The following PYGB variants were observed in gnomAD, a reference collection of about 807,000 sequenced individuals.
The protein encoded by PYGB is glycogen phosphorylase B, also known as glycogen phosphorylase, brain form.
A neutral mutation model predicts 94.3 loss-of-function variants in PYGB; 82 were observed. The ratio of observed to expected loss-of-function variants is 0.87; its 90% CI spans 0.73 to 1.04. The LOEUF (loss-of-function observed/expected upper bound fraction) is 1.04. Ranked by LOEUF, PYGB falls within the 50% of genes least tolerant of loss-of-function variation. PYGB has a pLI of 0.00. For missense variants in PYGB, 1,132 were observed against 1,158.2 expected, an observed-to-expected ratio of 0.98 and a Z score of 0.33; for synonymous variants, 488 against 479.1, an observed-to-expected ratio of 1.02 and a Z score of -0.24.
Position 25,257,402 on chromosome 20 carries a change from C to T in PYGB, c.244-1835C>T, listed in dbSNP as rs192945022. Among the ~76,000 whole-genome samples, 310 of 152,320 alleles carry T rather than the reference C, an allele frequency of 2.0e-3. 2 individuals carry two copies. Among genetic ancestry groups the T allele is most frequent in the Middle Eastern group, 0.014 (4 of 294 alleles). On this transcript the variant is annotated intron_variant, in intron 1 of 19. Coordinates refer to ENST00000216962, the MANE Select transcript of PYGB (RefSeq NM_002862.4). ...CTTCGAGTCTAGGCCCAGCACTTCC[C>T]GTGTCAGTCCTGTCCCTTACAAACA...
At chr20:25,254,485 G>A (rs1217171947) in intron 1 of PYGB, among the ~76,000 whole-genome samples, 4 of 152,168 alleles carry the variant, frequency 2.6e-5, no homozygotes, top group African/African-American at 9.7e-5. Context: ...CTTAGGATAC[G>A]GTGAAGGGAA....
At chr20:25,296,242 C>T (rs1472719882) in intron 19 of PYGB, 128 bp from the exon 20 acceptor site, 1 of 1,150,812 alleles carries the variant, frequency 8.7e-7, no homozygotes, top group Non-Finnish European at 1.3e-6. Context: ...GTAATGTCCT[C>T]CTCTTCCAGC....
rs779037307 is a variant in PYGB, at chr20:25,281,096, A to G, written c.1387A>G (p.Ile463Val). ...TGGTGTGGCGAGGATCCACTCGGAG[A>G]TCGTGAAACAGTCGGTGTGAGTGGG... Reference protein sequence around the residue: ...VNGVARIHSEIVKQSVFKDFY... With the variant: ...VNGVARIHSEVVKQSVFKDFY... Residue 463 changes from isoleucine (I) to valine (V), a missense_variant, in exon 11 of 20, where the codon ATC (isoleucine) becomes GTC (valine). Ile to Val is a conservative substitution (Grantham distance 29, BLOSUM62 3). Transcript: ENST00000216962. 9 of 1,614,136 alleles carry G rather than the reference A, an allele frequency of 5.6e-6. No homozygotes were observed. Among genetic ancestry groups the G allele is most frequent in the Non-Finnish European group, 6.8e-6 (8 of 1,179,994 alleles).
intron 13 of PYGB, 65 bp from the exon 14 acceptor site, chr20:25,284,025 ACTTGAAGCAGGAAG>A: frequency 6.5e-7 from 1 of 1,544,972 alleles, no homozygotes; most frequent in South Asian, 1.2e-5. Flanking sequence ...TTCACAGGGC[ACTTGAAGCAGGAAG>A]CCGCAGGGTC....
In PYGB at chr20:25,274,614, T is replaced by C; in HGVS notation, c.551T>C (p.Leu184Pro). 1.2e-6 allele frequency: 2 copies of C among 1,613,694 alleles called. No individual in the cohort carries two copies. Among genetic ancestry groups the C allele is most frequent in the Non-Finnish European group, 1.7e-6 (2 of 1,179,932 alleles). ...GWQVEEADDW[L>P]RYGNPWEKAR... ...CAGGTAGAGGAGGCCGATGACTGGCTGCGCTACGGCAACCCCTGGGAGAAA... is the reference window on the plus strand; with the variant it reads ...CAGGTAGAGGAGGCCGATGACTGGCCGCGCTACGGCAACCCCTGGGAGAAA... The change falls in exon 5 of 20, where the codon CTG becomes CCG. Residue 184 changes from leucine to proline, a missense_variant. Physicochemically the swap from Leu to Pro is moderately conservative, Grantham distance 98. Coordinates refer to ENST00000216962, the MANE Select transcript of PYGB (RefSeq NM_002862.4).
intron 5 of PYGB, among the ~76,000 whole-genome samples, chr20:25,275,726 G>A (rs2088305256): frequency 6.6e-6 from 1 of 152,208 alleles, no homozygotes; most frequent in South Asian, 2.1e-4. Context: ...TTCCAGGCAG[G>A]CTGTGAAGAT....
At chr20:25,281,221 C>A in intron 11 of PYGB, 109 bp downstream of exon 11, 2 of 1,376,882 alleles carry the variant, frequency 1.5e-6, no homozygotes, top group African/African-American at 1.4e-5. Flanking sequence ...ACAACCTGTG[C>A]CACTAGGCCC....
intron 2 of PYGB, among the ~76,000 whole-genome samples, chr20:25,264,060 C>T (rs1227232794): frequency 6.6e-6 from 1 of 152,190 alleles, no homozygotes; most frequent in African/African-American, 2.4e-5. Flanking sequence ...TCCAGCAGCA[C>T]ATCAAAAAGC....
rs998334056 is a variant in PYGB at position 25,296,635 on chromosome 20, C to T, written c.*113C>T. 8 of 1,387,820 alleles carry T rather than the reference C, an allele frequency of 5.8e-6. No homozygotes were observed. The highest frequency in any genetic ancestry group is 2.6e-4 in the Middle Eastern group (1 of 3,904). 86.0% of individuals were successfully genotyped at this position (1,387,820 alleles called of 1,614,324 possible). On this transcript the variant is annotated 3_prime_UTR_variant, in exon 20 of 20. Transcript: ENST00000216962. The stretch of plus-strand genomic sequence containing the variant: ...TGGTGGTCCCTGCTTTTCTGAGTAC[C>T]ATGTTTCCAGGAGGGGCCATGGGGG...
intron 19 of PYGB, among the ~76,000 whole-genome samples, chr20:25,295,931 T>C (rs1413841893): frequency 6.6e-6 from 1 of 152,188 alleles, no homozygotes; most frequent in African/African-American, 2.4e-5. Context: ...GGCAGGGCCC[T>C]GGGAGGGACC....
intron 7 of PYGB, 33 bp downstream of exon 7, chr20:25,277,359 C>T (rs1280969409): frequency 6.6e-7 from 1 of 1,521,350 alleles, no homozygotes; most frequent in East Asian, 2.3e-5. Context: ...CTTGCTCAGG[C>T]CGTATCGCTT....
intron 1 of PYGB, among the ~76,000 whole-genome samples, chr20:25,253,296 C>T (rs2092893453): frequency 6.6e-6 from 1 of 152,200 alleles, no homozygotes; most frequent in South Asian, 2.1e-4. Context: ...TCTCTCTCTA[C>T]ACATACCTTA....
At chr20:25,281,894 C>T in intron 11 of PYGB, 139 bp from the exon 12 acceptor site, 1 of 703,700 alleles carries the variant, frequency 1.4e-6, no homozygotes, top group Non-Finnish European at 2.4e-6. Context: ...GCCGCGGTCA[C>T]TCTGTTCTCC....
chr20:25,264,516 T>C (rs1032241321), intron 2 of PYGB, among the ~76,000 whole-genome samples: 1 of 152,122 alleles, frequency 6.6e-6, no homozygotes, highest in Non-Finnish European at 1.5e-5. Flanking sequence ...ATTTGTATAT[T>C]TAGAAAACCC....
intron 3 of PYGB, among the ~76,000 whole-genome samples, chr20:25,269,522 C>T (rs986423065): frequency 6.6e-6 from 1 of 152,168 alleles, no homozygotes; most frequent in East Asian, 1.9e-4. Flanking sequence ...GCAGACAGCC[C>T]AAAGGATGGA....
At chr20:25,252,833 T>C (rs1006008795) in intron 1 of PYGB, among the ~76,000 whole-genome samples, 17 of 152,308 alleles carry the variant, frequency 1.1e-4, no homozygotes, top group Admixed American at 6.5e-4. Context: ...GGTGATGAGC[T>C]CAGCCTTTAG....
At position 25,278,370 on chromosome 20, in the gene PYGB, G is replaced by T. The variant is rs2228976; in HGVS notation, c.907G>T (p.Ala303Ser). The change falls in exon 8 of 20, where the codon GCC becomes TCC. Residue 303 changes from alanine (A) to serine (S), a missense_variant. Ala to Ser is a moderately conservative substitution (Grantham distance 99). Coordinates refer to ENST00000216962, the MANE Select transcript of PYGB (RefSeq NM_002862.4). ...RLKQEYFVVA[A>S]TLQDIIRRFK... ...GAAGCAGGAGTACTTCGTGGTGGCC[G>T]CCACGCTCCAGGACATCATCCGCCG... 0.17 allele frequency: 281,795 copies of T among 1,613,948 alleles called. 26,194 individuals carry two copies. The highest frequency in any genetic ancestry group is 0.33 in the East Asian group (14,846 of 44,838).
chr20:25,248,659 G>C (rs2092878343), intron 1 of PYGB, among the ~76,000 whole-genome samples: 1 of 146,624 alleles, frequency 6.8e-6, no homozygotes. Context: ...GCGCCTGGCG[G>C]GGTCCGCCGT....
At chr20:25,248,545 G>C in intron 1 of PYGB, 124 bp downstream of exon 1, 2 of 1,190,480 alleles carry the variant, frequency 1.7e-6, no homozygotes, top group Non-Finnish European at 2.1e-6. Context: ...GCCGGCCGGC[G>C]GCCAGGCACA....
Sources: allele counts gnomAD v4.1 joint callset (sites outside exome capture counted in the v4.1 genomes callset), GRCh38; gene constraint gnomAD v4.1.1; transcripts MANE v1.5; gene names NCBI Gene and HGNC (gene_info 2026-07-23, HGNC 2026-07-21).